The following MAGI2 variants were observed in gnomAD, a reference collection of about 807,000 sequenced individuals.
The protein encoded by MAGI2 is membrane-associated guanylate kinase, WW and PDZ domain-containing protein 2.
A neutral mutation model predicts 133.3 loss-of-function variants in MAGI2; 35 were observed. The observed-to-expected ratio is 0.26, with a 90% CI of 0.20 to 0.35. MAGI2 has a LOEUF of 0.35. Among genes scored for constraint, MAGI2 ranks in the 10% least tolerant of loss-of-function variants. The pLI is 1.00. For missense variants in MAGI2, 1,636 were observed against 1,863.4 expected (o/e 0.88, Z 2.25); for synonymous variants, 729 against 710.6 (o/e 1.03, Z -0.41).
chr7:78,539,573 G>A (rs190043906), intron 3 of MAGI2, among the ~76,000 whole-genome samples: 1 of 152,014 alleles, frequency 6.6e-6, no homozygotes, highest in Non-Finnish European at 1.5e-5. Flanking sequence ...GTATTCCAGA[G>A]CTATTCACAG....
chr7:78,221,296 C>T (rs1001600591), intron 10 of MAGI2, among the ~76,000 whole-genome samples: 4 of 152,180 alleles, frequency 2.6e-5, no homozygotes, highest in East Asian at 3.9e-4. Context: ...AGTTCTCTTC[C>T]GCCTGTTGTC....
At position 78,536,640 on chromosome 7, in the gene MAGI2, T is replaced by C. The variant is rs78456381; in HGVS notation, c.539-14995A>G. Among the ~76,000 whole-genome samples, 317 of 152,274 alleles carry C rather than the reference T, an allele frequency of 2.1e-3. 1 individual carries two copies. Among genetic ancestry groups the C allele is most frequent in the African/African-American group, 7.1e-3 (294 of 41,568 alleles). On this transcript the variant is annotated intron_variant, in intron 3 of 21. Coordinates refer to ENST00000354212, the MANE Select transcript of MAGI2 (RefSeq NM_012301.4). ...CTTGAAGAACTGGAAGACTTTTTCT[T>C]GATGACCTCCCCTTATCTCATTTGG...
At chr7:78,678,752 T>G (rs1030686327) in intron 2 of MAGI2, among the ~76,000 whole-genome samples, 3 of 152,088 alleles carry the variant, frequency 2.0e-5, no homozygotes, top group Non-Finnish European at 2.9e-5. Context: ...CAATTTTTAT[T>G]TAGACTCATT....
chr7:78,251,015 A>G (rs1792330838), intron 10 of MAGI2, among the ~76,000 whole-genome samples: 2 of 152,174 alleles, frequency 1.3e-5, no homozygotes, highest in South Asian at 2.1e-4. Context: ...ATTCAGCAAC[A>G]TACAAAAAGA....
intron 1 of MAGI2, among the ~76,000 whole-genome samples, chr7:79,236,675 C>A (rs1034990197): frequency 3.3e-5 from 5 of 152,198 alleles, no homozygotes; most frequent in Non-Finnish European, 5.9e-5. Flanking sequence ...CAATAAAATT[C>A]TGTGATCTCT....
chr7:79,016,114 G>T (rs1808704041), intron 1 of MAGI2, among the ~76,000 whole-genome samples: 1 of 152,112 alleles, frequency 6.6e-6, no homozygotes, highest in Non-Finnish European at 1.5e-5. Flanking sequence ...CTGGCAGAGA[G>T]AGCTGCTTAG....
At chr7:79,029,936 G>A (rs915346409) in intron 1 of MAGI2, among the ~76,000 whole-genome samples, 2 of 152,146 alleles carry the variant, frequency 1.3e-5, no homozygotes, top group Non-Finnish European at 2.9e-5. Context: ...CAGGGAAGAA[G>A]GATAGGCACA....
chr7:78,755,259 G>A (rs1433813663), intron 2 of MAGI2, among the ~76,000 whole-genome samples: 1 of 152,192 alleles, frequency 6.6e-6, no homozygotes, highest in Non-Finnish European at 1.5e-5. Flanking sequence ...GAAATTAGGA[G>A]TCTTGGATTC....
chr7:78,398,320 T>C (rs1247454256), intron 6 of MAGI2, among the ~76,000 whole-genome samples: 1 of 152,130 alleles, frequency 6.6e-6, no homozygotes, highest in Admixed American at 6.6e-5. Flanking sequence ...AGGATGCTTG[T>C]TGAAATTGCA....
intron 2 of MAGI2, among the ~76,000 whole-genome samples, chr7:78,954,329 T>C (rs551829311): frequency 2.1e-3 from 327 of 152,234 alleles, no homozygotes; most frequent in African/African-American, 7.4e-3. Context: ...ACAAATGTTC[T>C]TTTTCTTTTT....
intron 2 of MAGI2, among the ~76,000 whole-genome samples, chr7:78,650,245 A>G (rs902960650): frequency 7.2e-5 from 11 of 152,304 alleles, no homozygotes; most frequent in African/African-American, 2.6e-4. Context: ...CACGCATTAG[A>G]AATAGGATTA....
chr7:78,107,260 T>C (rs1818785687), intron 20 of MAGI2, among the ~76,000 whole-genome samples: 1 of 152,222 alleles, frequency 6.6e-6, no homozygotes, highest in Admixed American at 6.5e-5. Context: ...ACTATAGCTC[T>C]GTAGTATAAT....
At chr7:78,322,326 C>T (rs1788087659) in intron 9 of MAGI2, among the ~76,000 whole-genome samples, 1 of 152,146 alleles carries the variant, frequency 6.6e-6, no homozygotes, top group Admixed American at 6.5e-5. Context: ...TTTATTGCGG[C>T]ACTATTTACA....
chr7:78,341,189 C>A (rs1790335582), intron 9 of MAGI2, among the ~76,000 whole-genome samples: 1 of 152,050 alleles, frequency 6.6e-6, no homozygotes, highest in Non-Finnish European at 1.5e-5. Context: ...AAGGCCAAAT[C>A]ATAAGTGAAC....
At chr7:78,597,280 TTTTA>T (rs1259419891) in intron 3 of MAGI2, among the ~76,000 whole-genome samples, 1 of 152,062 alleles carries the variant, frequency 6.6e-6, no homozygotes, top group Admixed American at 6.6e-5. Flanking sequence ...ATTTAGCTAC[TTTTA>T]TTTAACATTA....
At chr7:78,857,760 G>A (rs1023921944) in intron 2 of MAGI2, among the ~76,000 whole-genome samples, 3 of 152,128 alleles carry the variant, frequency 2.0e-5, no homozygotes, top group African/African-American at 7.2e-5. Context: ...GGATGATGTT[G>A]GCCTCATAAA....
rs182795466 is a variant in MAGI2, at chr7:79,256,851, A to G, written c.301+196169T>C. Among the ~76,000 whole-genome samples the G allele has an allele frequency of 1.2e-4, 19 of 152,280 alleles. No individual in the cohort carries two copies. The East Asian group carries it at 3.7e-3, about 29-fold the overall frequency. Reference sequence around the variant, plus strand: ...TCTCTCCTCTAAGATCTGTTGAAGTAAAATCCATATACTAAATACACTCAT... The same window carrying G: ...TCTCTCCTCTAAGATCTGTTGAAGTGAAATCCATATACTAAATACACTCAT... On this transcript the variant is annotated intron_variant, in intron 1 of 21. Coordinates refer to ENST00000354212, the MANE Select transcript of MAGI2 (RefSeq NM_012301.4).
At chr7:78,954,558 A>G (rs1285924512) in intron 2 of MAGI2, among the ~76,000 whole-genome samples, 1 of 152,150 alleles carries the variant, frequency 6.6e-6, no homozygotes, top group Non-Finnish European at 1.5e-5. Context: ...TGGTCTGGCA[A>G]TAGTGTGGAT....
At chr7:78,634,908 A>T (rs1809463552) in intron 2 of MAGI2, among the ~76,000 whole-genome samples, 1 of 152,092 alleles carries the variant, frequency 6.6e-6, no homozygotes, top group South Asian at 2.1e-4. Flanking sequence ...TATCCAAATT[A>T]TAATTTATAT....
Sources: allele counts gnomAD v4.1 joint callset (sites outside exome capture counted in the v4.1 genomes callset), GRCh38; gene constraint gnomAD v4.1.1; transcripts MANE v1.5; gene names NCBI Gene and HGNC (gene_info 2026-07-23, HGNC 2026-07-21).